Variants in TRIM51 observed in about 807,000 individuals in gnomAD.
TRIM51 encodes the protein tripartite motif-containing protein 51.
Under a neutral mutation model 32.7 loss-of-function variants are expected in TRIM51, and 23 were observed. The observed-to-expected ratio is 0.70, with a 90% CI of 0.51 to 1.00. The LOEUF (loss-of-function observed/expected upper bound fraction) is 1.00. Among genes scored for constraint, TRIM51 ranks in the 50% least tolerant of loss-of-function variants. TRIM51 has a pLI of 0.00. For missense variants in TRIM51, 592 were observed against 539.2 expected (o/e 1.10, Z -0.97); for synonymous variants, 177 against 181.9 (o/e 0.97, Z 0.22).
intron 5 of TRIM51, among the ~76,000 whole-genome samples, chr11:55,889,211 A>T (rs1024982413): frequency 2.7e-4 from 41 of 152,164 alleles, no homozygotes; most frequent in East Asian, 3.9e-4. Context: ...CAAAAGCAAA[A>T]AAATAAATAA....
intron 1 of TRIM51, among the ~76,000 whole-genome samples, chr11:55,884,974 G>C (rs1324096932): frequency 1.3e-5 from 2 of 151,018 alleles, no homozygotes; most frequent in African/African-American, 4.9e-5. Flanking sequence ...CCGGCTTCTC[G>C]GTCCCTCTCT....
rs1159007594 is a variant in TRIM51, at chr11:55,883,341, T to C, written c.-48T>C. The C allele has an allele frequency of 6.6e-6, 1 of 152,206 alleles. No homozygotes were observed. Among genetic ancestry groups the C allele is most frequent in the Non-Finnish European group, 1.5e-5 (1 of 68,026 alleles). 9.4% of individuals were successfully genotyped at this position (152,206 alleles called of 1,614,324 possible). ...TCTTGGGGAGTACTTAAAAGAATTTTTTCTTGGAAGAATTACTGCAGGAAA... is the reference window on the plus strand; with the variant it reads ...TCTTGGGGAGTACTTAAAAGAATTTCTTCTTGGAAGAATTACTGCAGGAAA... On this transcript the variant is annotated 5_prime_UTR_variant, in exon 1 of 7. Coordinates refer to ENST00000449290, the MANE Select transcript of TRIM51 (RefSeq NM_032681.4).
intron 4 of TRIM51, among the ~76,000 whole-genome samples, chr11:55,888,536 T>C (rs1263072906): frequency 6.6e-6 from 1 of 152,142 alleles, no homozygotes; most frequent in Non-Finnish European, 1.5e-5. Flanking sequence ...AAGTCACTGA[T>C]TAATTTAGGA....
intron 1 of TRIM51, among the ~76,000 whole-genome samples, chr11:55,884,157 C>CTATATATATATATA (rs143840865): frequency 0.068 from 4,151 of 60,920 alleles, 511 homozygotes; most frequent in East Asian, 0.3. Flanking sequence ...ATAACTATAA[C>CTATATATATATATA]TATATATATA....
At chr11:55,886,272 G>A (rs550342846) in intron 3 of TRIM51, 54 bp downstream of exon 3, 1 of 1,378,790 alleles carries the variant, frequency 7.3e-7, no homozygotes, top group Non-Finnish European at 1.0e-6. Flanking sequence ...ACAAATGGGT[G>A]ACTCTTAAAA....
rs1854643526 is a variant in TRIM51 at position 55,891,172 on chromosome 11, T to C, written c.899T>C (p.Ile300Thr). 6.2e-7 allele frequency: 1 copy of C among 1,601,880 alleles called. No homozygotes were observed. The highest frequency in any genetic ancestry group is 8.5e-7 in the Non-Finnish European group (1 of 1,179,618). Residue 300 changes from isoleucine to threonine, a missense_variant, in exon 7 of 7, where the codon ATC (isoleucine) becomes ACC (threonine). Ile to Thr is a moderately conservative substitution (Grantham distance 89). Coordinates refer to ENST00000449290, the MANE Select transcript of TRIM51 (RefSeq NM_032681.4). ...CAGCCTGAAAGAGCCAATAGTCATA[T>C]CTTCCTGTGTGGAGATTTGAGAAGC... ...TLQPERANSH[I>T]FLCGDLRSMN...
At position 55,888,196 on chromosome 11, in the gene TRIM51, GC is replaced by G. The variant is rs761542029; in HGVS notation, c.673del (p.Leu225PhefsTer2). ...AAGCCAGAATGGAACATTCCAGGGA[GC>G]TTTTAAGAGGAATGTATGAGGATCT... is the stretch of plus-strand genomic sequence containing the variant. ...SKARMEHSRE[L>X]LRGMYEDLKQ... On this transcript the variant is annotated frameshift_variant, in exon 4 of 7. Transcript: ENST00000449290. LOFTEE classifies it high-confidence loss of function. 3.1e-6 allele frequency: 5 copies of G among 1,613,510 alleles called. No individual in the cohort carries two copies. The highest frequency in any genetic ancestry group is 1.7e-5 in the Admixed American group (1 of 59,968).
At chr11:55,885,385 A>G in intron 1 of TRIM51, 40 bp from the exon 2 acceptor site, 2 of 1,610,452 alleles carry the variant, frequency 1.2e-6, no homozygotes, top group Non-Finnish European at 8.5e-7. Flanking sequence ...ATTTTCACCA[A>G]CCCAGACCCC....
rs1554988263 is a variant in TRIM51 at position 55,888,284 on chromosome 11, T to C, written c.738+22T>C. 4.5e-6 allele frequency: 7 copies of C among 1,572,578 alleles called. No homozygotes were observed. In the South Asian group the frequency reaches 7.8e-5, roughly 17 times the overall value. On this transcript the variant is annotated intron_variant, in intron 4 of 6. Transcript: ENST00000449290. ...CCAGGTATGGACTGACCATGGGGTA[T>C]CATGATGTTGAACATTCACATACAT...
At chr11:55,889,540 G>T (rs1283797010) in intron 5 of TRIM51, among the ~76,000 whole-genome samples, 1 of 152,160 alleles carries the variant, frequency 6.6e-6, no homozygotes, top group Admixed American at 6.5e-5. Flanking sequence ...TCCCTGCCTG[G>T]AGCAAGTTTC....
chr11:55,891,159 G>C lies in TRIM51; in HGVS notation c.886G>C (p.Ala296Pro). The C allele has an allele frequency of 6.2e-7, 1 of 1,601,002 alleles. No homozygotes were observed. Among genetic ancestry groups the C allele is most frequent in the Non-Finnish European group, 8.5e-7 (1 of 1,179,536 alleles). Residue 296 changes from alanine (A) to proline (P), a missense_variant, in exon 7 of 7, where the codon GCC becomes CCC. Physicochemically the swap from Ala to Pro is conservative, Grantham distance 27. Transcript: ENST00000449290. The stretch of plus-strand genomic sequence containing the variant: ...TGATTTTACTCTGCAGCCTGAAAGA[G>C]CCAATAGTCATATCTTCCTGTGTGG... ...RVDFTLQPERANSHIFLCGDL... is the reference protein window; with the variant it reads ...RVDFTLQPERPNSHIFLCGDL...
rs1487133688 is a variant in TRIM51, at chr11:55,884,965, C to T, written c.-4-460C>T. Among the ~76,000 whole-genome samples, 7 of 151,508 alleles carry T rather than the reference C, an allele frequency of 4.6e-5. No individual in the cohort carries two copies. The East Asian group carries it at 5.9e-4, about 13-fold the overall frequency. On this transcript the variant is annotated intron_variant, in intron 1 of 6. Coordinates refer to ENST00000449290, the MANE Select transcript of TRIM51 (RefSeq NM_032681.4). ...TGGGGTTGTTTTTGTTTTAAAGAGCCGGCTTCTCGGTCCCTCTCTCTAAAA... is the reference window on the plus strand; with the variant it reads ...TGGGGTTGTTTTTGTTTTAAAGAGCTGGCTTCTCGGTCCCTCTCTCTAAAA...
intron 1 of TRIM51, among the ~76,000 whole-genome samples, chr11:55,884,316 C>T (rs1854548531): frequency 1.3e-5 from 2 of 151,174 alleles, no homozygotes; most frequent in East Asian, 2.0e-4. Flanking sequence ...GATGTTCAAA[C>T]AATAACGAGA....
At chr11:55,889,623 T>C (rs967890299) in intron 5 of TRIM51, among the ~76,000 whole-genome samples, 5 of 152,068 alleles carry the variant, frequency 3.3e-5, no homozygotes, top group African/African-American at 1.2e-4. Flanking sequence ...CAGACAGTGA[T>C]TTCAGGAATT....
intron 5 of TRIM51, among the ~76,000 whole-genome samples, chr11:55,889,475 C>T (rs1168091921): frequency 5.9e-5 from 9 of 152,082 alleles, no homozygotes; most frequent in African/African-American, 9.7e-5. Flanking sequence ...GCAAACTATT[C>T]GGAATGTTTG....
chr11:55,886,301 C>T lies in TRIM51; in HGVS notation c.507+83C>T, dbSNP rs192155533. The T allele has an allele frequency of 8.8e-4, 950 of 1,085,020 alleles. 7 individuals carry two copies. The African/African-American group carries it at 0.014, about 16-fold the overall frequency. 67.2% of individuals were successfully genotyped at this position (1,085,020 alleles called of 1,614,324 possible). A position where few individuals can be genotyped will look rare whatever the true frequency, so the allele number is the denominator to read the frequency against. On this transcript the variant is annotated intron_variant, in intron 3 of 6. Transcript: ENST00000449290. Reference sequence around the variant, plus strand: ...CTTAAAATAGGAACTTGATCTCAACCCATAATGTTTCTGGAATTCAATAAA... The same window carrying T: ...CTTAAAATAGGAACTTGATCTCAACTCATAATGTTTCTGGAATTCAATAAA...
chr11:55,886,308 G>C (rs1235185495), intron 3 of TRIM51, 90 bp downstream of exon 3: 9 of 1,049,366 alleles, frequency 8.6e-6, no homozygotes, highest in African/African-American at 3.2e-5. Context: ...AACCCATAAT[G>C]TTTCTGGAAT....
At position 55,888,345 on chromosome 11, in the gene TRIM51, C is replaced by G. The variant is rs1156369126; in HGVS notation, c.738+83C>G. The stretch of plus-strand genomic sequence containing the variant: ...CCTCTCTCCTGAACTCCGTCTCCCC[C>G]TTCACTTCCATTATTTGTTTCCAAA... On this transcript the variant is annotated intron_variant, in intron 4 of 6. Transcript: ENST00000449290. 3.9e-6 allele frequency: 4 copies of G among 1,031,800 alleles called. No homozygotes were observed. In the African/African-American group the frequency reaches 6.3e-5, roughly 16 times the overall value. 63.9% of individuals were successfully genotyped at this position (1,031,800 alleles called of 1,614,324 possible). A position where few individuals can be genotyped will look rare whatever the true frequency, so the allele number is the denominator to read the frequency against.
rs1565138385 is a variant in TRIM51 at position 55,885,683 on chromosome 11, C to T, written c.255C>T (p.Phe85=). ...CCAGAAAAGCCAGCCTCCGGCAATT[C>T]CTTAGCTCTGAGGAGCAAATATGTG... is the stretch of plus-strand genomic sequence containing the variant. ...FIARKASLRQ[F]LSSEEQICGM... The change falls in exon 2 of 7, where the codon TTC becomes TTT. Residue 85 remains phenylalanine (F), a synonymous_variant. Coordinates refer to ENST00000449290, the MANE Select transcript of TRIM51 (RefSeq NM_032681.4). 1.2e-6 allele frequency: 2 copies of T among 1,611,254 alleles called. No individual in the cohort carries two copies. Among genetic ancestry groups the T allele is most frequent in the Non-Finnish European group, 1.7e-6 (2 of 1,179,492 alleles).
Sources: allele counts gnomAD v4.1 joint callset (sites outside exome capture counted in the v4.1 genomes callset), GRCh38; gene constraint gnomAD v4.1.1; transcripts MANE v1.5; gene names NCBI Gene and HGNC (gene_info 2026-07-23, HGNC 2026-07-21).